CSMD2: variants seen among roughly 807,000 people sequenced by gnomAD.
CSMD2 encodes the protein CUB and sushi domain-containing protein 2.
A neutral mutation model predicts 398.5 loss-of-function variants in CSMD2; 130 were observed. That is an observed-to-expected ratio of 0.33 (90% CI 0.28 to 0.38). The LOEUF is 0.38. Among genes scored for constraint, CSMD2 ranks in the 10% least tolerant of loss-of-function variants. The probability of loss-of-function intolerance (pLI) is 1.00; values close to 1 mark genes in which losing one functional copy is unlikely to be tolerated. For missense variants in CSMD2, 3,829 were observed against 4,764.9 expected (o/e 0.80, Z 5.78); for synonymous variants, 1,828 against 1,908.5 (o/e 0.96, Z 1.10).
chr1:34,104,346 T>C (rs1325277652), intron 1 of CSMD2, among the ~76,000 whole-genome samples: 1 of 152,264 alleles, frequency 6.6e-6, no homozygotes, highest in Non-Finnish European at 1.5e-5. Flanking sequence ...ACAATCATGT[T>C]GTCTACAAAT....
intron 12 of CSMD2, among the ~76,000 whole-genome samples, chr1:33,783,302 C>A (rs1188144974): frequency 6.6e-6 from 1 of 152,026 alleles, no homozygotes; most frequent in Non-Finnish European, 1.5e-5. Flanking sequence ...GCTCTTAGCC[C>A]CCAGTGTGAC....
At chr1:33,668,899 G>T (rs1019150825) in intron 25 of CSMD2, among the ~76,000 whole-genome samples, 3 of 152,180 alleles carry the variant, frequency 2.0e-5, no homozygotes. Flanking sequence ...GAAACTTACT[G>T]AAGGAGACAC....
At chr1:33,553,743 T>C (rs1351854162) in intron 55 of CSMD2, among the ~76,000 whole-genome samples, 1 of 152,112 alleles carries the variant, frequency 6.6e-6, no homozygotes, top group Non-Finnish European at 1.5e-5. Flanking sequence ...CGTGAATACA[T>C]GAATAAGAAA....
chr1:33,905,878 C>T (rs58817546), intron 5 of CSMD2, among the ~76,000 whole-genome samples: 2,128 of 152,280 alleles, frequency 0.014, 49 homozygotes, highest in African/African-American at 0.05. Context: ...TGCTCATCCC[C>T]GTTTCCTGGC....
chr1:33,781,208 A>G (rs2149350408), intron 12 of CSMD2, among the ~76,000 whole-genome samples: 1 of 152,328 alleles, frequency 6.6e-6, no homozygotes, highest in South Asian at 2.1e-4. Flanking sequence ...TCTGCATGTC[A>G]GCTTTCTAAG....
At chr1:33,771,655 T>C (rs1261949669) in intron 13 of CSMD2, among the ~76,000 whole-genome samples, 1 of 152,108 alleles carries the variant, frequency 6.6e-6, no homozygotes, top group Non-Finnish European at 1.5e-5. Flanking sequence ...TCCCAGGCTA[T>C]TCCTCTCCCA....
intron 27 of CSMD2, among the ~76,000 whole-genome samples, chr1:33,655,076 C>T (rs1435811062): frequency 1.3e-5 from 2 of 152,238 alleles, no homozygotes; most frequent in Non-Finnish European, 2.9e-5. Context: ...TCCTACTGCT[C>T]AGGGTTAGTC....
chr1:34,100,557 T>A (rs1403109465), intron 1 of CSMD2, among the ~76,000 whole-genome samples: 1 of 152,212 alleles, frequency 6.6e-6, no homozygotes, highest in Non-Finnish European at 1.5e-5. Context: ...CACTCCCCTG[T>A]TGATGGCCAT....
chr1:33,821,753 G>A (rs1658179861), intron 7 of CSMD2, among the ~76,000 whole-genome samples: 1 of 152,168 alleles, frequency 6.6e-6, no homozygotes, highest in East Asian at 1.9e-4. Context: ...GTTGAGTGAG[G>A]ACATAAACCA....
At chr1:34,053,383 T>A (rs1166165307) in intron 2 of CSMD2, among the ~76,000 whole-genome samples, 3 of 152,168 alleles carry the variant, frequency 2.0e-5, no homozygotes, top group South Asian at 4.1e-4. Flanking sequence ...CAGAATGGGA[T>A]GCTTCCATGG....
chr1:34,092,702 G>C (rs2148380462), intron 1 of CSMD2, among the ~76,000 whole-genome samples: 1 of 152,272 alleles, frequency 6.6e-6, no homozygotes, highest in Non-Finnish European at 1.5e-5. Flanking sequence ...TTTTCCGACG[G>C]GCTTAAAAAA....
intron 4 of CSMD2, among the ~76,000 whole-genome samples, chr1:33,918,796 T>C (rs1262695263): frequency 6.6e-6 from 1 of 152,204 alleles, no homozygotes; most frequent in African/African-American, 2.4e-5. Flanking sequence ...GAATTTAGAC[T>C]CCACAATTTC....
At chr1:33,557,617 GACACACACACACACACACACACACAC>G (rs10579079) in intron 55 of CSMD2, 91 bp downstream of exon 55, 10 of 661,248 alleles carry the variant, frequency 1.5e-5, no homozygotes, top group Middle Eastern at 4.2e-4. Context: ...TACATGTGCA[GACACACACACACACACACACACACAC>G]ACACACACAC....
chr1:33,963,587 A>T (rs772953488), intron 3 of CSMD2, among the ~76,000 whole-genome samples: 3 of 152,028 alleles, frequency 2.0e-5, no homozygotes, highest in Non-Finnish European at 4.4e-5. Flanking sequence ...CTCTCTCCCC[A>T]GGCAACAACT....
At chr1:33,993,897 G>A (rs1255018563) in intron 3 of CSMD2, among the ~76,000 whole-genome samples, 2 of 152,032 alleles carry the variant, frequency 1.3e-5, no homozygotes, top group Non-Finnish European at 2.9e-5. Context: ...TTCTTTGTAC[G>A]GCTCAAAGGC....
At chr1:33,959,636 T>G (rs965987101) in intron 3 of CSMD2, among the ~76,000 whole-genome samples, 3 of 152,190 alleles carry the variant, frequency 2.0e-5, no homozygotes, top group Non-Finnish European at 4.4e-5. Context: ...CCTTGACTCC[T>G]TCCATAGGGG....
intron 2 of CSMD2, among the ~76,000 whole-genome samples, chr1:34,068,960 A>G (rs1655418810): frequency 6.6e-6 from 1 of 152,116 alleles, no homozygotes; most frequent in Admixed American, 6.6e-5. Context: ...AGTCCATTAA[A>G]CCTCTTTCTT....
intron 23 of CSMD2, among the ~76,000 whole-genome samples, chr1:33,699,702 C>T (rs926937523): frequency 6.6e-6 from 1 of 152,222 alleles, no homozygotes; most frequent in Non-Finnish European, 1.5e-5. Context: ...ATACAATTCA[C>T]ATACCATACA....
chr1:33,902,531 G>C (rs889792127), intron 5 of CSMD2, among the ~76,000 whole-genome samples: 1 of 152,164 alleles, frequency 6.6e-6, no homozygotes, highest in Non-Finnish European at 1.5e-5. Flanking sequence ...GACTTATTTG[G>C]TCTGGGGAAT....
Sources: allele counts gnomAD v4.1 joint callset (sites outside exome capture counted in the v4.1 genomes callset), GRCh38; gene constraint gnomAD v4.1.1; transcripts MANE v1.5; gene names NCBI Gene and HGNC (gene_info 2026-07-23, HGNC 2026-07-21).